The following TBXAS1 variants were observed in gnomAD, a reference collection of about 807,000 sequenced individuals.
TBXAS1 encodes thromboxane A synthase 1, also known as thromboxane-A synthase.
A neutral mutation model predicts 60.7 loss-of-function variants in TBXAS1; 48 were observed. The ratio of observed to expected loss-of-function variants is 0.79; its 90% confidence interval spans 0.63 to 1.01. The LOEUF is 1.01. Among genes scored for constraint, TBXAS1 ranks in the 50% least tolerant of loss-of-function variants. The pLI is 0.00. For missense variants in TBXAS1, 685 were observed against 686.3 expected (o/e 1.00, Z 0.02); for synonymous variants, 287 against 269.7 (o/e 1.06, Z -0.63).
chr7:139,821,979 G>A (rs1001253077), intron 4 of TBXAS1, among the ~76,000 whole-genome samples: 5 of 152,308 alleles, frequency 3.3e-5, no homozygotes, highest in African/African-American at 9.6e-5. Flanking sequence ...CACAGACCTC[G>A]TGTATTGAGT....
chr7:139,868,652 ATTTTTTT>A (rs71170918), intron 1 of TBXAS1, among the ~76,000 whole-genome samples: 1 of 105,044 alleles, frequency 9.5e-6, no homozygotes, highest in African/African-American at 3.7e-5. Context: ...CCTGGCTAAT[ATTTTTTT>A]TTTTTTTTTT....
intron 10 of TBXAS1, among the ~76,000 whole-genome samples, chr7:140,007,967 C>A (rs1398843947): frequency 2.0e-5 from 3 of 152,192 alleles, no homozygotes; most frequent in African/African-American, 7.2e-5. Flanking sequence ...TAGAGAAGGG[C>A]ATCTTAATTC....
chr7:139,973,197 C>T (rs949642366), intron 9 of TBXAS1, among the ~76,000 whole-genome samples: 3 of 152,192 alleles, frequency 2.0e-5, no homozygotes, highest in African/African-American at 7.2e-5. Flanking sequence ...CCATCCAGGA[C>T]AGATATCTGA....
chr7:139,868,149 T>G (rs551531005), intron 1 of TBXAS1, among the ~76,000 whole-genome samples: 1 of 152,338 alleles, frequency 6.6e-6, no homozygotes, highest in Non-Finnish European at 1.5e-5. Flanking sequence ...TGGGAAACAT[T>G]TGCATTAATT....
In TBXAS1 at chr7:140,013,061, G is replaced by T. The variant is rs1323123815; in HGVS notation, c.1227-2662G>T. On this transcript the variant is annotated intron_variant, in intron 10 of 12. Coordinates refer to ENST00000448866, the MANE Select transcript of TBXAS1 (RefSeq NM_001061.7). This position sits in a 1 kb window ranked among gnomAD's most constrained non-coding sequence, Gnocchi z 4.2. ...GATCGCGCCACTGCACTCCAGCCTG[G>T]GCAACAGAGCGAGACTCCATCTCAA... 6.7e-6 allele frequency among the ~76,000 whole-genome samples: 1 copy of T among 148,264 alleles called. No individual in the cohort carries two copies. The highest frequency in any genetic ancestry group is 1.5e-5 in the Non-Finnish European group (1 of 67,660).
Position 139,962,127 on chromosome 7 carries a change from AT to A in TBXAS1, c.1029del (p.Tyr343Ter). On this transcript the variant is annotated frameshift_variant, in exon 9 of 13. Coordinates refer to ENST00000448866, the MANE Select transcript of TBXAS1 (RefSeq NM_001061.7). LOFTEE classifies it high-confidence loss of function. ...GCCTTCATCTTCCTCATCGCTGGCT[AT>A]GAAATCATCACCAACACACTTTCTT... Reference protein sequence around the residue: ...GQAFIFLIAGYEIITNTLSFA... With the variant: ...GQAFIFLIAGXEIITNTLSFA... 1 of 1,614,194 alleles carries A rather than the reference AT, an allele frequency of 6.2e-7. No homozygotes were observed. Among genetic ancestry groups the A allele is most frequent in the Non-Finnish European group, 8.5e-7 (1 of 1,180,044 alleles).
intron 1 of TBXAS1, among the ~76,000 whole-genome samples, chr7:139,856,176 G>A (rs970313055): frequency 1.3e-5 from 2 of 152,208 alleles, no homozygotes; most frequent in African/African-American, 4.8e-5. Context: ...CTAATTGGCA[G>A]ACAGAGAGAC....
At chr7:139,789,696 T>G (rs1797316432) in intron 4 of TBXAS1, 1 of 151,112 alleles carries the variant, frequency 6.6e-6, no homozygotes, top group African/African-American at 2.4e-5. Flanking sequence ...AATGGCACAA[T>G]CTCAGCTCAC....
At chr7:139,955,827 T>C (rs991606972) in intron 7 of TBXAS1, among the ~76,000 whole-genome samples, 4 of 152,132 alleles carry the variant, frequency 2.6e-5, no homozygotes, top group African/African-American at 9.6e-5. Context: ...TGGTAATAAG[T>C]GGCCCCACCG....
At chr7:139,914,226 G>A (rs2117064767) in intron 4 of TBXAS1, among the ~76,000 whole-genome samples, 1 of 151,982 alleles carries the variant, frequency 6.6e-6, no homozygotes, top group Middle Eastern at 3.4e-3. Context: ...GGCAGAGATG[G>A]GGGTCTTACT....
intron 1 of TBXAS1, among the ~76,000 whole-genome samples, chr7:139,858,844 CATTT>C (rs1289375021): frequency 6.6e-6 from 1 of 152,092 alleles, no homozygotes; most frequent in Admixed American, 6.6e-5. Flanking sequence ...CATTATAAAG[CATTT>C]ATTTATTTTT....
Position 139,970,967 on chromosome 7 carries a change from A to G in TBXAS1, c.1134+8734A>G, listed in dbSNP as rs556166688. On this transcript the variant is annotated intron_variant, in intron 9 of 12. Transcript: ENST00000448866. ...CCTAAGCCCCTTGGTTGTAGACAGT[A>G]GCTTCGGGTGCCAGGTGGGAGGCCA... is the stretch of plus-strand genomic sequence containing the variant. Among the ~76,000 whole-genome samples, 80 of 152,258 alleles carry G rather than the reference A, an allele frequency of 5.3e-4. No homozygotes were observed. In the South Asian group the frequency reaches 0.017, roughly 32 times the overall value.
rs188430513 is a variant in TBXAS1 at position 139,981,884 on chromosome 7, C to T, written c.1134+19651C>T. 4.4e-4 allele frequency among the ~76,000 whole-genome samples: 67 copies of T among 152,220 alleles called. 1 individual carries two copies. Among genetic ancestry groups the T allele is most frequent in the African/African-American group, 1.6e-3 (67 of 41,546 alleles). On this transcript the variant is annotated intron_variant, in intron 9 of 12. Coordinates refer to ENST00000448866, the MANE Select transcript of TBXAS1 (RefSeq NM_001061.7). ...ATCAGAAAGATGTCATTTTTTTCCCCTAAATGTCATATATACAATTTTTAT... is the reference window on the plus strand; with the variant it reads ...ATCAGAAAGATGTCATTTTTTTCCCTTAAATGTCATATATACAATTTTTAT...
intron 4 of TBXAS1, among the ~76,000 whole-genome samples, chr7:139,800,464 A>G (rs1797691106): frequency 6.6e-6 from 1 of 152,124 alleles, no homozygotes; most frequent in African/African-American, 2.4e-5. Flanking sequence ...ATATCTTCAG[A>G]GAAGCCCTTC....
At chr7:139,790,407 C>A (rs1797346136) in intron 4 of TBXAS1, among the ~76,000 whole-genome samples, 1 of 152,186 alleles carries the variant, frequency 6.6e-6, no homozygotes, top group Non-Finnish European at 1.5e-5. Context: ...TTCACTTTCC[C>A]AACTGTTGTC....
At chr7:139,894,531 C>T (rs60576666) in intron 3 of TBXAS1, among the ~76,000 whole-genome samples, 3,904 of 152,220 alleles carry the variant, frequency 0.026, 153 homozygotes, top group African/African-American at 0.089. Flanking sequence ...GTGAGACCTG[C>T]GTTTATTCCC....
At chr7:139,957,052 C>T (rs924776959) in intron 7 of TBXAS1, among the ~76,000 whole-genome samples, 1 of 152,190 alleles carries the variant, frequency 6.6e-6, no homozygotes, top group African/African-American at 2.4e-5. Context: ...CTCTGGCAGC[C>T]CGATCCCCAG....
rs1186006652 is a variant in TBXAS1, at chr7:139,936,306, A to G, written c.449A>G (p.Glu150Gly). ...GCTTTCAGTCCTGAAAAGCTGAACG[A>G]GGTAAGACATGAGAAATGCAAACTC... ...MSAFSPEKLN[E>G]MVPLISQACD... The change falls in exon 5 of 13, where the codon GAG becomes GGG. Residue 150 changes from glutamate to glycine, a missense_variant and splice_region_variant. Physicochemically the swap from Glu to Gly is moderately conservative, Grantham distance 98. Transcript: ENST00000448866. The G allele has an allele frequency of 4.3e-6, 7 of 1,613,912 alleles. No homozygotes were observed. The African/African-American group carries it at 5.3e-5, about 12-fold the overall frequency.
rs1569515835 is a variant in TBXAS1 at position 139,936,228 on chromosome 7, T to G, written c.371T>G (p.Val124Gly). 1.2e-6 allele frequency: 2 copies of G among 1,614,226 alleles called. No individual in the cohort carries two copies. The highest frequency in any genetic ancestry group is 1.1e-5 in the South Asian group (1 of 91,084). Reference protein sequence around the residue: ...GLEFKSVADSVLFLRDKRWEE... With the variant: ...GLEFKSVADSGLFLRDKRWEE... ...GAGTTCAAGTCGGTAGCCGACAGCG[T>G]TCTGTTTTTACGTGACAAAAGATGG... Residue 124 changes from valine (V) to glycine (G), a missense_variant, in exon 5 of 13, where the codon GTT (valine) becomes GGT (glycine). By Grantham distance (109) the Val-to-Gly change is moderately radical. Transcript: ENST00000448866.
Sources: gnomAD v4.1 joint callset for allele counts (sites outside exome capture counted in the v4.1 genomes callset) on GRCh38, gnomAD v4.1.1 for gene constraint, Gnocchi (gnomAD v3.1) non-coding constraint, MANE v1.5 for transcripts, NCBI Gene and HGNC (gene_info 2026-07-23, HGNC 2026-07-21) for gene names.